The following NR3C2 variants were observed in gnomAD, a reference collection of about 807,000 sequenced individuals.
NR3C2 encodes mineralocorticoid receptor.
NR3C2 carries 15 observed loss-of-function variants against 86.4 expected under a neutral mutation model. The ratio of observed to expected loss-of-function variants is 0.17; its 90% CI spans 0.12 to 0.27. The LOEUF is 0.27. NR3C2 is among the 10% of genes least tolerant of loss of function. The pLI, the probability that NR3C2 is intolerant of heterozygous loss-of-function variation, is 1.00. For synonymous variants in NR3C2, 458 were observed against 450.5 expected (o/e 1.02, Z -0.21); for missense variants, 960 against 1,195.6 (o/e 0.80, Z 2.91).
chr4:148,095,276 C>T, intron 8 of NR3C2, among the ~76,000 whole-genome samples: 1 of 152,242 alleles, frequency 6.6e-6, no homozygotes, highest in Non-Finnish European at 1.5e-5. Flanking sequence ...CCCAGATGGG[C>T]CCCTGAGCCA....
intron 8 of NR3C2, among the ~76,000 whole-genome samples, chr4:148,103,151 A>C (rs748744902): frequency 2.6e-5 from 4 of 152,308 alleles, no homozygotes; most frequent in South Asian, 2.1e-4. Context: ...GTCGCAGCTA[A>C]GCAGTCTTTT....
intron 2 of NR3C2, among the ~76,000 whole-genome samples, chr4:148,343,198 C>T (rs575515687): frequency 6.6e-6 from 1 of 152,276 alleles, no homozygotes; most frequent in South Asian, 2.1e-4. Flanking sequence ...CTCTATAGGA[C>T]TCAGGCAAAA....
intron 2 of NR3C2, among the ~76,000 whole-genome samples, chr4:148,382,429 C>T (rs150634094): frequency 1.8e-4 from 28 of 152,244 alleles, no homozygotes; most frequent in South Asian, 1.0e-3. Context: ...ATCTTCACAA[C>T]AAGACCCTAA....
At chr4:148,181,957 G>A (rs546759025) in intron 4 of NR3C2, among the ~76,000 whole-genome samples, 1 of 152,190 alleles carries the variant, frequency 6.6e-6, no homozygotes, top group Non-Finnish European at 1.5e-5. Flanking sequence ...CATTGTAAAG[G>A]AGAGGCCAGT....
intron 2 of NR3C2, among the ~76,000 whole-genome samples, chr4:148,400,256 G>C (rs1348307070): frequency 6.6e-6 from 1 of 152,120 alleles, no homozygotes; most frequent in African/African-American, 2.4e-5. Flanking sequence ...ACATGAAGTG[G>C]GGAGCTGGGT....
At chr4:148,082,262 T>C (rs1015302675) in intron 8 of NR3C2, among the ~76,000 whole-genome samples, 6 of 152,090 alleles carry the variant, frequency 3.9e-5, no homozygotes, top group African/African-American at 1.2e-4. Context: ...TAAAAAAAAA[T>C]TGGAGGCTGG....
At chr4:148,094,197 C>T (rs1276817934) in intron 8 of NR3C2, among the ~76,000 whole-genome samples, 1 of 152,162 alleles carries the variant, frequency 6.6e-6, no homozygotes, top group Non-Finnish European at 1.5e-5. Context: ...GGGGAAATAA[C>T]AGGCATTCAA....
chr4:148,438,064 G>A (rs1453942012), intron 1 of NR3C2, among the ~76,000 whole-genome samples: 1 of 152,166 alleles, frequency 6.6e-6, no homozygotes, highest in African/African-American at 2.4e-5. Flanking sequence ...TAATACAAGT[G>A]TGAAAACTGA....
At chr4:148,352,410 A>G (rs967400249) in intron 2 of NR3C2, among the ~76,000 whole-genome samples, 3 of 151,542 alleles carry the variant, frequency 2.0e-5, no homozygotes, top group African/African-American at 4.9e-5. Flanking sequence ...CTATCTATCT[A>G]TCTATCTATC....
chr4:148,211,840 TTAGTTTTATTATTCG>T (rs1419462228), intron 3 of NR3C2, among the ~76,000 whole-genome samples: 1 of 152,246 alleles, frequency 6.6e-6, no homozygotes, highest in South Asian at 2.1e-4. Context: ...TCTGGTGGAC[TTAGTTTTATTATTCG>T]TAATAATAAT....
intron 2 of NR3C2, among the ~76,000 whole-genome samples, chr4:148,391,468 GA>G (rs1255557638): frequency 5.9e-5 from 9 of 152,162 alleles, no homozygotes; most frequent in Non-Finnish European, 1.2e-4. Context: ...ATGTAAAGTA[GA>G]TATTTCTGCT....
chr4:148,398,109 C>T (rs1747953956), intron 2 of NR3C2, among the ~76,000 whole-genome samples: 1 of 152,142 alleles, frequency 6.6e-6, no homozygotes, highest in South Asian at 2.1e-4. Context: ...TATAAAGACA[C>T]CAGCTATTGG....
rs72951904 is a variant in NR3C2, at chr4:148,310,060, G to A, written c.1758-49943C>T. ...CTTACTAAGGTCTGTGAATGAATACGATATAATTATTTCATCATAATAACT... is the reference window on the plus strand; with the variant it reads ...CTTACTAAGGTCTGTGAATGAATACAATATAATTATTTCATCATAATAACT... On this transcript the variant is annotated intron_variant, in intron 2 of 8. Coordinates refer to ENST00000358102, the MANE Select transcript of NR3C2 (RefSeq NM_000901.5). Among the ~76,000 whole-genome samples the A allele has an allele frequency of 6.7e-3, 1,019 of 152,124 alleles. 9 individuals carry two copies. The highest frequency in any genetic ancestry group is 0.022 in the African/African-American group (931 of 41,474).
chr4:148,410,752 T>A (rs920571884), intron 2 of NR3C2, among the ~76,000 whole-genome samples: 10 of 152,080 alleles, frequency 6.6e-5, no homozygotes, highest in African/African-American at 2.4e-4. Context: ...AAGCAGTGAG[T>A]ATTTGTATAC....
At chr4:148,174,278 T>C (rs1440640050) in intron 4 of NR3C2, among the ~76,000 whole-genome samples, 1 of 152,142 alleles carries the variant, frequency 6.6e-6, no homozygotes, top group Non-Finnish European at 1.5e-5. Context: ...TTTAATCGAA[T>C]CTCTTATATA....
At chr4:148,255,259 A>G (rs528225343) in intron 3 of NR3C2, among the ~76,000 whole-genome samples, 47 of 152,346 alleles carry the variant, frequency 3.1e-4, no homozygotes, top group Middle Eastern at 6.8e-3. Flanking sequence ...AATGATTCAT[A>G]AACCACTACA....
intron 2 of NR3C2, among the ~76,000 whole-genome samples, chr4:148,311,445 C>G (rs546348210): frequency 1.3e-5 from 2 of 152,286 alleles, no homozygotes; most frequent in South Asian, 4.1e-4. Flanking sequence ...ATCTTTTTCT[C>G]TCTCACACTT....
At chr4:148,393,328 C>T (rs1747687894) in intron 2 of NR3C2, among the ~76,000 whole-genome samples, 1 of 152,208 alleles carries the variant, frequency 6.6e-6, no homozygotes, top group African/African-American at 2.4e-5. Flanking sequence ...ACATTAGAAG[C>T]ACGTGCAAAG....
chr4:148,429,261 GT>G (rs1227337152), intron 2 of NR3C2, among the ~76,000 whole-genome samples: 1 of 152,088 alleles, frequency 6.6e-6, no homozygotes, highest in African/African-American at 2.4e-5. Flanking sequence ...TCATATCAGA[GT>G]TTTCATATAT....
Sources: allele counts gnomAD v4.1 joint callset (sites outside exome capture counted in the v4.1 genomes callset), GRCh38; gene constraint gnomAD v4.1.1; transcripts MANE v1.5; gene names NCBI Gene and HGNC (gene_info 2026-07-23, HGNC 2026-07-21).